VWDE: variants seen among roughly 807,000 people sequenced by gnomAD.
VWDE encodes von Willebrand factor D and EGF domains.
In VWDE, 207 loss-of-function variants were observed where a neutral mutation model predicts 178.4. That is an observed-to-expected ratio of 1.16 (90% confidence interval 1.04 to 1.30). The LOEUF is 1.30. Among genes scored for constraint, VWDE ranks in the 50% most tolerant of loss-of-function variants. VWDE has a pLI of 0.00. For synonymous variants in VWDE, 738 were observed against 651.4 expected, an observed-to-expected ratio of 1.13 and a Z score of -2.02; for missense variants, 2,287 against 1,901.3, an observed-to-expected ratio of 1.20 and a Z score of -3.77.
intron 6 of VWDE, among the ~76,000 whole-genome samples, 189 bp from the exon 7 acceptor site, chr7:12,378,109 T>A (rs955695492): frequency 6.6e-6 from 1 of 152,176 alleles, no homozygotes; most frequent in Non-Finnish European, 1.5e-5. Flanking sequence ...CAGGAGTACA[T>A]GGAGCTGCTG....
At chr7:12,387,199 A>C (rs1784145109) in intron 3 of VWDE, among the ~76,000 whole-genome samples, 1 of 152,170 alleles carries the variant, frequency 6.6e-6, no homozygotes, top group Admixed American at 6.6e-5. Flanking sequence ...AATCATGTAA[A>C]GTAGACAATA....
chr7:12,384,409 T>A (rs1212988487), intron 3 of VWDE, among the ~76,000 whole-genome samples: 1 of 152,052 alleles, frequency 6.6e-6, no homozygotes, highest in African/African-American at 2.4e-5. Flanking sequence ...GTCTGTATGT[T>A]CCTATCATAG....
At chr7:12,347,895 A>C (rs1176185001) in intron 19 of VWDE, among the ~76,000 whole-genome samples, 2 of 152,142 alleles carry the variant, frequency 1.3e-5, no homozygotes, top group African/African-American at 2.4e-5. Context: ...AATAGAACAG[A>C]ACAGAACCCT....
At chr7:12,347,763 C>A (rs1418421400) in intron 19 of VWDE, among the ~76,000 whole-genome samples, 2 of 151,904 alleles carry the variant, frequency 1.3e-5, no homozygotes, top group African/African-American at 2.4e-5. Context: ...CCCACATCGC[C>A]AAGTCAATCC....
At chr7:12,384,450 C>T (rs1316722013) in intron 3 of VWDE, among the ~76,000 whole-genome samples, 3 of 152,090 alleles carry the variant, frequency 2.0e-5, no homozygotes, top group African/African-American at 7.2e-5. Context: ...TTTGTCCAAA[C>T]CCATAGAATT....
chr7:12,339,533 T>C (rs1255185117), intron 24 of VWDE, among the ~76,000 whole-genome samples: 1 of 152,100 alleles, frequency 6.6e-6, no homozygotes, highest in Non-Finnish European at 1.5e-5. Context: ...GGATGACTTC[T>C]TTTCTGCTTT....
At chr7:12,394,341 A>G (rs1784530798) in intron 1 of VWDE, among the ~76,000 whole-genome samples, 1 of 152,180 alleles carries the variant, frequency 6.6e-6, no homozygotes, top group South Asian at 2.1e-4. Context: ...TTATTTTCCA[A>G]AGTTTTGGAA....
intron 7 of VWDE, among the ~76,000 whole-genome samples, chr7:12,376,166 A>C (rs1783518088): frequency 6.6e-6 from 1 of 151,954 alleles, no homozygotes; most frequent in Admixed American, 6.6e-5. Context: ...CTCTTAACCA[A>C]CTCTCTAAGG....
intron 6 of VWDE, among the ~76,000 whole-genome samples, chr7:12,379,164 T>C (rs1216385724): frequency 1.3e-5 from 2 of 152,194 alleles, no homozygotes; most frequent in Admixed American, 6.5e-5. Flanking sequence ...CCAAAATGCA[T>C]GATAACTAAA....
Position 12,337,033 on chromosome 7 carries a change from T to A in VWDE, c.4513A>T (p.Thr1505Ser), listed in dbSNP as rs1318741405. 1.3e-6 allele frequency: 2 copies of A among 1,551,584 alleles called. No individual in the cohort carries two copies. The highest frequency in any genetic ancestry group is 1.7e-6 in the Non-Finnish European group (2 of 1,146,938). ...MNGGKCVGPS[T>S]CSCPSGWSGK... ...CTCCAACCAGAAGGACAAGAGCAAGTGCTTGGTCCCACACATTTTCCTCCA... is the reference window on the plus strand; with the variant it reads ...CTCCAACCAGAAGGACAAGAGCAAGAGCTTGGTCCCACACATTTTCCTCCA... Residue 1505 changes from threonine (T) to serine (S), a missense_variant, in exon 26 of 29, where the codon ACT (threonine) becomes TCT (serine). Transcript: ENST00000275358.
chr7:12,378,525 T>C (rs1162778434), intron 6 of VWDE, among the ~76,000 whole-genome samples: 3 of 152,148 alleles, frequency 2.0e-5, no homozygotes, highest in African/African-American at 7.2e-5. Context: ...TCTCGAGTCT[T>C]GGCTAGCTCT....
At chr7:12,362,534 A>G (rs1439453922) in intron 13 of VWDE, among the ~76,000 whole-genome samples, 5 of 152,100 alleles carry the variant, frequency 3.3e-5, no homozygotes, top group East Asian at 1.9e-4. Flanking sequence ...ATAATGTTCC[A>G]GGTACGGATA....
chr7:12,364,540 AATGATAGC>A (rs1380229027), intron 13 of VWDE, among the ~76,000 whole-genome samples: 1 of 152,130 alleles, frequency 6.6e-6, no homozygotes, highest in African/African-American at 2.4e-5. Flanking sequence ...CCAAATAAAG[AATGATAGC>A]ATTGAGTTAT....
chr7:12,355,169 T>C (rs1003009287), intron 18 of VWDE, among the ~76,000 whole-genome samples: 1 of 152,044 alleles, frequency 6.6e-6, no homozygotes, highest in African/African-American at 2.4e-5. Context: ...GTAATCCCAG[T>C]ACTTCGGGAG....
intron 1 of VWDE, among the ~76,000 whole-genome samples, chr7:12,395,105 AG>A (rs1425440332): frequency 6.6e-6 from 1 of 152,138 alleles, no homozygotes; most frequent in Non-Finnish European, 1.5e-5. Flanking sequence ...AGATATTGGA[AG>A]TCAACACAAA....
At chr7:12,348,203 CA>C (rs879532487) in intron 19 of VWDE, among the ~76,000 whole-genome samples, 130 of 80,306 alleles carry the variant, frequency 1.6e-3, no homozygotes, top group Non-Finnish European at 1.9e-3. Context: ...GCAATGGCAA[CA>C]CAAAGCCAAA....
intron 3 of VWDE, among the ~76,000 whole-genome samples, chr7:12,384,742 A>G (rs950222164): frequency 1.3e-5 from 2 of 152,144 alleles, no homozygotes; most frequent in African/African-American, 4.8e-5. Context: ...CAATGAGCCA[A>G]GGACAGAGAT....
Position 12,375,002 on chromosome 7 carries a change from T to C in VWDE, c.1242+8A>G, listed in dbSNP as rs1277689320. 31 of 1,549,724 alleles carry C rather than the reference T, an allele frequency of 2.0e-5. No individual in the cohort carries two copies. The highest frequency in any genetic ancestry group is 2.6e-5 in the Non-Finnish European group (30 of 1,145,524). ...TCACTTGCAGTATTAGTGTTGTAATTTGTCAACCTGGATGCTGTCTGGAAT... is the reference window on the plus strand; with the variant it reads ...TCACTTGCAGTATTAGTGTTGTAATCTGTCAACCTGGATGCTGTCTGGAAT... On this transcript the variant is annotated splice_region_variant and intron_variant, in intron 8 of 28. Transcript: ENST00000275358.
At chr7:12,369,374 A>C (rs781007526) in intron 12 of VWDE, among the ~76,000 whole-genome samples, 171 bp downstream of exon 12, 2 of 152,186 alleles carry the variant, frequency 1.3e-5, no homozygotes, top group African/African-American at 2.4e-5. Flanking sequence ...TACTCCAAAT[A>C]AGATGAGATG....
Sources: gnomAD v4.1 joint callset for allele counts (sites outside exome capture counted in the v4.1 genomes callset) on GRCh38, gnomAD v4.1.1 for gene constraint, MANE v1.5 for transcripts, NCBI Gene and HGNC (gene_info 2026-07-23, HGNC 2026-07-21) for gene names.